CNTNAP5: variants seen among roughly 807,000 people sequenced by gnomAD.
CNTNAP5 encodes contactin-associated protein-like 5.
Under a neutral mutation model 150.2 loss-of-function variants are expected in CNTNAP5, and 72 were observed. The observed-to-expected ratio is 0.48, with a 90% CI of 0.40 to 0.58. The LOEUF (loss-of-function observed/expected upper bound fraction) is 0.58. Among genes scored for constraint, CNTNAP5 ranks in the 20% least tolerant of loss-of-function variants. CNTNAP5 has a pLI of 0.00. For synonymous variants in CNTNAP5, 672 were observed against 619.8 expected, an observed-to-expected ratio of 1.08 and a Z score of -1.25; for missense variants, 1,636 against 1,626.2, an observed-to-expected ratio of 1.01 and a Z score of -0.10.
chr2:124,711,142 G>A (rs926727959), intron 13 of CNTNAP5, among the ~76,000 whole-genome samples: 2 of 151,854 alleles, frequency 1.3e-5, no homozygotes, highest in African/African-American at 2.4e-5. Context: ...GTGGTGGCAC[G>A]CACCTGTAAT....
intron 13 of CNTNAP5, among the ~76,000 whole-genome samples, 186 bp from the exon 14 acceptor site, chr2:124,747,043 G>A (rs1012525786): frequency 1.3e-5 from 2 of 152,026 alleles, no homozygotes; most frequent in South Asian, 2.1e-4. Flanking sequence ...ATGAGATAAC[G>A]AAACAAAGAA....
intron 3 of CNTNAP5, among the ~76,000 whole-genome samples, chr2:124,308,439 C>T (rs534174252): frequency 2.2e-4 from 34 of 152,242 alleles, no homozygotes; most frequent in African/African-American, 7.2e-4. Context: ...AAACTAAAAT[C>T]AAACCAGATG....
At chr2:124,056,868 C>G (rs958053712) in intron 1 of CNTNAP5, among the ~76,000 whole-genome samples, 4 of 152,210 alleles carry the variant, frequency 2.6e-5, no homozygotes, top group Admixed American at 2.0e-4. Flanking sequence ...TGATTCATCT[C>G]TATCGTAGTT....
intron 1 of CNTNAP5, among the ~76,000 whole-genome samples, chr2:124,059,518 G>A (rs908876870): frequency 5.9e-5 from 9 of 152,162 alleles, no homozygotes; most frequent in African/African-American, 2.2e-4. Flanking sequence ...TGCACAGGAT[G>A]TCATTCCTGA....
intron 1 of CNTNAP5, among the ~76,000 whole-genome samples, chr2:124,167,601 A>G (rs892770498): frequency 1.3e-5 from 2 of 152,188 alleles, no homozygotes; most frequent in African/African-American, 4.8e-5. Context: ...TCTGAAAATA[A>G]TTGTGGGGCA....
intron 3 of CNTNAP5, 39 bp from the exon 4 acceptor site, chr2:124,417,404 A>C: frequency 6.3e-7 from 1 of 1,594,634 alleles, no homozygotes; most frequent in Non-Finnish European, 8.6e-7. Context: ...AAATTCCATG[A>C]TAGCACAGAC....
intron 19 of CNTNAP5, among the ~76,000 whole-genome samples, chr2:124,842,469 C>T (rs1440553764): frequency 6.6e-6 from 1 of 152,112 alleles, no homozygotes. Flanking sequence ...AAAAGGGCTG[C>T]CATTCAGTGA....
At chr2:124,373,447 C>T (rs1558873063) in intron 3 of CNTNAP5, among the ~76,000 whole-genome samples, 1 of 151,932 alleles carries the variant, frequency 6.6e-6, no homozygotes, top group East Asian at 1.9e-4. Flanking sequence ...AAATGACCAG[C>T]AATGACAAAG....
chr2:124,097,663 C>T (rs1395277314), intron 1 of CNTNAP5, among the ~76,000 whole-genome samples: 1 of 152,118 alleles, frequency 6.6e-6, no homozygotes, highest in Non-Finnish European at 1.5e-5. Flanking sequence ...GCCTCTGAAG[C>T]ACATTCAGTT....
At chr2:124,268,063 T>C (rs1322076100) in intron 3 of CNTNAP5, among the ~76,000 whole-genome samples, 3 of 152,126 alleles carry the variant, frequency 2.0e-5, no homozygotes, top group Non-Finnish European at 4.4e-5. Flanking sequence ...TGCAAGGGGA[T>C]TGGCCTTTAC....
intron 13 of CNTNAP5, among the ~76,000 whole-genome samples, chr2:124,724,178 G>A (rs12623831): frequency 0.28 from 38,502 of 136,120 alleles, 5,519 homozygotes; most frequent in Non-Finnish European, 0.36. Flanking sequence ...TAATAATAAT[G>A]ATGATACAGA....
At chr2:124,470,422 T>G (rs1414228785) in intron 6 of CNTNAP5, among the ~76,000 whole-genome samples, 3 of 152,140 alleles carry the variant, frequency 2.0e-5, no homozygotes, top group Admixed American at 6.6e-5. Context: ...GGGGTTGTTT[T>G]TTTCTAGTAA....
chr2:124,372,271 G>T (rs150258866), intron 3 of CNTNAP5, among the ~76,000 whole-genome samples: 1 of 152,114 alleles, frequency 6.6e-6, no homozygotes, highest in African/African-American at 2.4e-5. Context: ...TCATACTGGG[G>T]ACTGTGCTAT....
At chr2:124,462,766 A>G (rs1558913654) in intron 6 of CNTNAP5, among the ~76,000 whole-genome samples, 3 of 152,214 alleles carry the variant, frequency 2.0e-5, no homozygotes, top group Non-Finnish European at 2.9e-5. Context: ...TCATGAATCT[A>G]AATTTGTAAA....
At chr2:124,443,214 GC>G (rs1281977285) in intron 5 of CNTNAP5, among the ~76,000 whole-genome samples, 1 of 149,598 alleles carries the variant, frequency 6.7e-6, no homozygotes, top group African/African-American at 2.4e-5. Context: ...AATGTGATAT[GC>G]CCTATATATC....
At chr2:124,103,165 GA>G (rs1441249060) in intron 1 of CNTNAP5, among the ~76,000 whole-genome samples, 2 of 151,998 alleles carry the variant, frequency 1.3e-5, no homozygotes, top group Non-Finnish European at 2.9e-5. Flanking sequence ...GTTAAAAATA[GA>G]AAAAAGTCTT....
intron 3 of CNTNAP5, among the ~76,000 whole-genome samples, chr2:124,349,877 T>TC (rs1362696184): frequency 1.8e-5 from 1 of 56,720 alleles, no homozygotes; most frequent in Non-Finnish European, 3.6e-5. Flanking sequence ...GCTATTTCTT[T>TC]TTTTTTTTTT....
chr2:124,501,073 A>G (rs921654800), intron 7 of CNTNAP5, among the ~76,000 whole-genome samples: 2 of 152,120 alleles, frequency 1.3e-5, no homozygotes, highest in African/African-American at 4.8e-5. Context: ...TATAGGGAGG[A>G]AAAAAAGGAC....
intron 20 of CNTNAP5, among the ~76,000 whole-genome samples, chr2:124,868,421 G>C (rs1290248510): frequency 6.6e-6 from 1 of 152,010 alleles, no homozygotes; most frequent in African/African-American, 2.4e-5. Context: ...TCACTGCTTT[G>C]CCTAGGATGC....
Sources: allele counts gnomAD v4.1 joint callset (sites outside exome capture counted in the v4.1 genomes callset), GRCh38; gene constraint gnomAD v4.1.1; transcripts MANE v1.5; gene names NCBI Gene and HGNC (gene_info 2026-07-23, HGNC 2026-07-21).